Variants in LAS1L observed in about 807,000 individuals in gnomAD.
LAS1L encodes ribosomal biogenesis protein LAS1L.
In LAS1L, 5 loss-of-function variants were observed where a neutral mutation model predicts 57.3. That is an observed-to-expected ratio of 0.09 (90% confidence interval 0.05 to 0.18). The LOEUF is 0.18. Ranked by LOEUF, LAS1L falls within the 10% of genes least tolerant of loss-of-function variation. LAS1L has a pLI of 1.00. For missense variants in LAS1L, 360 were observed against 568.3 expected (o/e 0.63, Z 3.73); for synonymous variants, 245 against 231.7 (o/e 1.06, Z -0.52).
intron 11 of LAS1L, chrX:65,519,036 C>T (rs2068748632): frequency 1.5e-6 from 1 of 675,160 alleles, no homozygotes; most frequent in Admixed American, 8.6e-5. Flanking sequence ...GCTGACAAGA[C>T]AAAGCAGGAT....
chrX:65,531,470 T>C (rs747655849), intron 3 of LAS1L, 32 bp from the exon 4 acceptor site: 35 of 1,051,752 alleles, frequency 3.3e-5, no homozygotes, highest in Non-Finnish European at 4.7e-5. Context: ...AGTACAGAAA[T>C]TGGAAAATAA....
At chrX:65,521,182 G>C in intron 11 of LAS1L, 1 of 753,582 alleles carries the variant, frequency 1.3e-6, no homozygotes, top group Non-Finnish European at 1.6e-6. Context: ...GTTAAAGAAA[G>C]ACTTTTGGAC....
At chrX:65,515,113 G>A (rs1355373330) in intron 12 of LAS1L, 140 bp from the exon 13 acceptor site, 5 of 517,990 alleles carry the variant, frequency 9.7e-6, no homozygotes, top group Non-Finnish European at 1.2e-5. Flanking sequence ...CACTGCTCTC[G>A]GTATCACTTC....
chrX:65,521,051 G>C (rs774519902), intron 11 of LAS1L: 16 of 751,775 alleles, frequency 2.1e-5, no homozygotes, highest in Non-Finnish European at 2.3e-5. Context: ...CTAGTCTGGA[G>C]CACACATCTG....
intron 12 of LAS1L, among the ~76,000 whole-genome samples, chrX:65,517,250 CTTT>C (rs397895342): frequency 1.8e-4 from 15 of 83,269 alleles, no homozygotes; most frequent in African/African-American, 1.5e-4. Flanking sequence ...TTCTTTCTTT[CTTT>C]TTTTTTTTTT....
rs145338657 is a variant in LAS1L, at chrX:65,529,686, G to A, written c.707C>T (p.Thr236Met). Residue 236 changes from threonine to methionine, a missense_variant, in exon 5 of 14, where the codon ACG (threonine) becomes ATG (methionine). This residue lies in a region of LAS1L where 51 missense variants were observed against 43.1 expected (regional missense o/e 1.18). Transcript: ENST00000374811. ...TCCATCGGCCTTTACATCTGACTCC[G>A]TACTTTTCCCATCATCCTGAGGCTC... is the stretch of plus-strand genomic sequence containing the variant. The part of the protein sequence containing the change: ...KPEPQDDGKS[T>M]ESDVKADGDS... 1.9e-5 allele frequency: 23 copies of A among 1,209,521 alleles called. No homozygotes were observed. In the East Asian group the frequency reaches 3.3e-4, roughly 17 times the overall value.
chrX:65,523,436 A>G, intron 11 of LAS1L, 124 bp downstream of exon 11: 1 of 670,941 alleles, frequency 1.5e-6, no homozygotes, highest in Non-Finnish European at 2.1e-6. Flanking sequence ...CCCATCTGTC[A>G]GTGGGAGTGA....
chrX:65,518,685 C>T, intron 11 of LAS1L: 1 of 496,925 alleles, frequency 2.0e-6, no homozygotes, highest in Non-Finnish European at 2.5e-6. Context: ...AAAATGAGGA[C>T]AATAATGATA....
chrX:65,518,123 A>G lies in LAS1L; in HGVS notation c.1791T>C (p.Asp597=). The change falls in exon 12 of 14, where the codon GAT becomes GAC. Residue 597 remains aspartate (D), a synonymous_variant. Coordinates refer to ENST00000374811, the MANE Select transcript of LAS1L (RefSeq NM_031206.7). ...DQEEEEEDED[D]EDDEEEDRME... is the part of the protein sequence containing the mutation. ...TTCTGTCTTCCTCTTCATCATCTTC[A>G]TCATCTTCATCCTCCTCTTCCTCCT... 8.3e-7 allele frequency: 1 copy of G among 1,198,346 alleles called. No homozygotes were observed. Among genetic ancestry groups the G allele is most frequent in the Non-Finnish European group, 1.1e-6 (1 of 884,510 alleles).
chrX:65,519,229 G>A (rs975418043), intron 11 of LAS1L, among the ~76,000 whole-genome samples: 1 of 111,866 alleles, frequency 8.9e-6, no homozygotes, highest in Non-Finnish European at 1.9e-5. Context: ...AGCCCAGCTA[G>A]AGGGCACGGC....
At chrX:65,519,283 AGTGTGTGCATTGGT>A (rs1256684666) in intron 11 of LAS1L, among the ~76,000 whole-genome samples, 4 of 111,804 alleles carry the variant, frequency 3.6e-5, no homozygotes, top group Non-Finnish European at 7.5e-5. Context: ...TGGGAAGGTA[AGTGTGTGCATTGGT>A]GTGTGTGTGA....
At chrX:65,518,747 G>A in intron 11 of LAS1L, 2 of 664,119 alleles carry the variant, frequency 3.0e-6, no homozygotes, top group Non-Finnish European at 3.6e-6. Flanking sequence ...CACATAGAAT[G>A]CCTGGCACAG....
intron 11 of LAS1L, chrX:65,522,154 G>A (rs961227543): frequency 9.0e-6 from 1 of 110,928 alleles, no homozygotes; most frequent in Non-Finnish European, 1.9e-5. Context: ...TGGAGGAGCA[G>A]GCTTTGAGGT....
chrX:65,518,491 G>C, intron 11 of LAS1L, 26 bp from the exon 12 acceptor site: 3 of 1,159,626 alleles, frequency 2.6e-6, no homozygotes, highest in Non-Finnish European at 3.4e-6. Context: ...GATGGGGTAG[G>C]AAAGATTCAA....
intron 2 of LAS1L, among the ~76,000 whole-genome samples, 178 bp downstream of exon 2, chrX:65,533,432 G>A (rs887440220): frequency 9.0e-6 from 1 of 110,660 alleles, no homozygotes; most frequent in Non-Finnish European, 1.9e-5. Flanking sequence ...AAAGAGGAAT[G>A]CGTTGACGAG....
Position 65,524,265 on chromosome X carries a change from G to A in LAS1L, c.1094-3C>T. ...GACGTCATTCAAGTCCACGTTTTCTGGTTTGTAAGGGACACCCATTTGGGG... is the reference window on the plus strand; with the variant it reads ...GACGTCATTCAAGTCCACGTTTTCTAGTTTGTAAGGGACACCCATTTGGGG... On this transcript the variant is annotated splice_polypyrimidine_tract_variant and splice_region_variant and intron_variant, in intron 9 of 13. Coordinates refer to ENST00000374811, the MANE Select transcript of LAS1L (RefSeq NM_031206.7). 8.4e-7 allele frequency: 1 copy of A among 1,195,333 alleles called. No homozygotes were observed. The highest frequency in any genetic ancestry group is 1.1e-6 in the Non-Finnish European group (1 of 883,132).
chrX:65,519,313 C>T (rs1199862717), intron 11 of LAS1L, among the ~76,000 whole-genome samples: 5 of 111,989 alleles, frequency 4.5e-5, no homozygotes, highest in Non-Finnish European at 9.4e-5. Flanking sequence ...TGTGAGGGTT[C>T]ACCTGCCAAT....
Position 65,531,428 on chromosome X carries a change from G to A in LAS1L, c.443C>T (p.Pro148Leu). Residue 148 changes from proline to leucine, a missense_variant, in exon 4 of 14, where the codon CCG becomes CTG. Pro to Leu is a moderately conservative substitution (Grantham distance 98, BLOSUM62 -3). Transcript: ENST00000374811. ...ATGGCGAAGGTCAACAATCCAATCC[G>A]GAATATTTACCTGATTACAGGGGAG... ...LKCLAQEVNI[P>L]DWIVDLRHEL... is the part of the protein sequence containing the mutation. 1 of 1,200,630 alleles carries A rather than the reference G, an allele frequency of 8.3e-7. No individual in the cohort carries two copies. The highest frequency in any genetic ancestry group is 1.1e-6 in the Non-Finnish European group (1 of 885,676).
intron 11 of LAS1L, among the ~76,000 whole-genome samples, chrX:65,520,110 C>CAG (rs1477288188): frequency 5.4e-5 from 6 of 111,653 alleles, no homozygotes; most frequent in Non-Finnish European, 1.1e-4. Flanking sequence ...TTAGTCTGAC[C>CAG]ACTAAGGTGC....
Sources: gnomAD v4.1 joint callset for allele counts (sites outside exome capture counted in the v4.1 genomes callset) on GRCh38, gnomAD v4.1.1 for gene constraint, gnomAD v4.1.1 regional missense constraint, MANE v1.5 for transcripts, NCBI Gene and HGNC (gene_info 2026-07-23, HGNC 2026-07-21) for gene names.